OGDH: variants seen among roughly 807,000 people sequenced by gnomAD.
The protein encoded by OGDH is oxoglutarate dehydrogenase.
In OGDH, 38 loss-of-function variants were observed where a neutral mutation model predicts 116.6. The ratio of observed to expected loss-of-function variants is 0.33; its 90% CI spans 0.25 to 0.43. The LOEUF (loss-of-function observed/expected upper bound fraction) is 0.43, where lower values mean the gene tolerates loss of function less well. Ranked by LOEUF, OGDH falls within the 20% of genes least tolerant of loss-of-function variation. OGDH has a pLI of 1.00. For missense variants in OGDH, 825 were observed against 1,357.2 expected (o/e 0.61, Z 6.16); for synonymous variants, 488 against 533.3 (o/e 0.92, Z 1.17).
chr7:44,616,839 A>C, intron 1 of OGDH, among the ~76,000 whole-genome samples: 1 of 130,614 alleles, frequency 7.7e-6, no homozygotes, highest in Non-Finnish European at 1.6e-5. Flanking sequence ...ATATATACAC[A>C]TATACGTGTA....
chr7:44,655,686 G>A (rs987186851), intron 4 of OGDH, among the ~76,000 whole-genome samples: 4 of 152,226 alleles, frequency 2.6e-5, no homozygotes, highest in African/African-American at 9.6e-5. Flanking sequence ...TCAGAAAGCT[G>A]TTATGTATAG....
rs143042000 is a variant in OGDH at position 44,667,582 on chromosome 7, A to G, written c.633+731A>G. 5.3e-4 allele frequency among the ~76,000 whole-genome samples: 81 copies of G among 152,230 alleles called. No homozygotes were observed. In the East Asian group the frequency reaches 0.015, roughly 28 times the overall value. On this transcript the variant is annotated intron_variant, in intron 5 of 22. Transcript: ENST00000222673. Reference sequence around the variant, plus strand: ...ACTAAGCCTGCCAGGAAATTCTTTCATTCACACACATTATAGACAGTGGCT... The same window carrying G: ...ACTAAGCCTGCCAGGAAATTCTTTCGTTCACACACATTATAGACAGTGGCT...
rs557539498 is a variant in OGDH, at chr7:44,694,365, A to G, written c.1516-59A>G. ...GGAGAGATGGGGCAGGTGCCTGAAC[A>G]GCACTTCTTCCCAAGGGGCCAGCCC... On this transcript the variant is annotated intron_variant, in intron 11 of 22. Transcript: ENST00000222673. The surrounding 1 kb of genome is among the most constrained non-coding windows in gnomAD (Gnocchi z 4.2). The G allele has an allele frequency of 6.9e-6, 11 of 1,596,420 alleles. No individual in the cohort carries two copies. The African/African-American group carries it at 1.5e-4, about 21-fold the overall frequency.
At chr7:44,629,884 G>A (rs1475757793) in intron 2 of OGDH, among the ~76,000 whole-genome samples, 1 of 152,154 alleles carries the variant, frequency 6.6e-6, no homozygotes, top group Admixed American at 6.5e-5. Flanking sequence ...CCGGCCTGAT[G>A]CCTGTTTCTT....
chr7:44,641,409 A>G (rs970106341), intron 2 of OGDH, among the ~76,000 whole-genome samples: 43 of 151,376 alleles, frequency 2.8e-4, no homozygotes, highest in Non-Finnish European at 1.5e-4. Flanking sequence ...TATTTTTAGT[A>G]GAGACGGGGT....
chr7:44,626,335 CTACA>C (rs1785205391), intron 2 of OGDH, among the ~76,000 whole-genome samples: 5 of 109,766 alleles, frequency 4.6e-5, no homozygotes, highest in Admixed American at 1.9e-4. Context: ...ACACACACCC[CTACA>C]CACACACACA....
Position 44,624,364 on chromosome 7 carries a change from T to C in OGDH, c.21T>C (p.Cys7=). MFHLRT[C]AAKLRPLTAS... ...CAAAAATGTTTCATTTAAGGACTTG[T>C]GCTGCTAAGTTGAGGCCATTGACGG... The change falls in exon 2 of 23, where the codon TGT becomes TGC. Residue 7 remains cysteine (C), a synonymous_variant. Coordinates refer to ENST00000222673, the MANE Select transcript of OGDH (RefSeq NM_002541.4). 1 of 1,610,092 alleles carries C rather than the reference T, an allele frequency of 6.2e-7. No homozygotes were observed. The highest frequency in any genetic ancestry group is 1.1e-5 in the South Asian group (1 of 90,826).
At chr7:44,678,716 G>A (rs1342121691) in intron 9 of OGDH, among the ~76,000 whole-genome samples, 1 of 152,164 alleles carries the variant, frequency 6.6e-6, no homozygotes, top group Non-Finnish European at 1.5e-5. Context: ...CCCCAGCAGG[G>A]TCAGTGTGGG....
At chr7:44,611,289 C>T (rs542475467) in intron 1 of OGDH, among the ~76,000 whole-genome samples, 2 of 151,594 alleles carry the variant, frequency 1.3e-5, no homozygotes, top group Non-Finnish European at 2.9e-5. Flanking sequence ...GAGACGGAGT[C>T]TCGCTCTGTC....
chr7:44,670,364 G>A (rs1377213498), intron 5 of OGDH, among the ~76,000 whole-genome samples: 1 of 152,136 alleles, frequency 6.6e-6, no homozygotes, highest in Non-Finnish European at 1.5e-5. Context: ...CCCCTCACCA[G>A]TGGGTCATTT....
chr7:44,672,696 G>A (rs1401710129), intron 5 of OGDH, among the ~76,000 whole-genome samples: 1 of 147,108 alleles, frequency 6.8e-6, no homozygotes, highest in Non-Finnish European at 1.5e-5. Flanking sequence ...AGGCTGGAGT[G>A]CAGTGGCATG....
intron 10 of OGDH, among the ~76,000 whole-genome samples, chr7:44,684,492 A>G (rs191733907): frequency 5.3e-5 from 8 of 152,334 alleles, no homozygotes; most frequent in Non-Finnish European, 2.9e-5. Flanking sequence ...AATATAACAC[A>G]CAATATGGTA....
rs1024415191 is a variant in OGDH at position 44,610,415 on chromosome 7, C to T, written c.-28+3762C>T. ...GCCTCCCAGGTTCAAGCGATTCTTC[C>T]GCCTCAGCCTCCTGAGTAGCTGGGA... On this transcript the variant is annotated intron_variant, in intron 1 of 22. Coordinates refer to ENST00000222673, the MANE Select transcript of OGDH (RefSeq NM_002541.4). Among the ~76,000 whole-genome samples the T allele has an allele frequency of 4.0e-5, 6 of 151,016 alleles. No homozygotes were observed. In the South Asian group the frequency reaches 1.3e-3, roughly 32 times the overall value.
chr7:44,676,274 G>A (rs768947978), intron 9 of OGDH, 125 bp downstream of exon 9: 56 of 1,547,874 alleles, frequency 3.6e-5, no homozygotes, highest in South Asian at 9.4e-5. Flanking sequence ...ATTTAAAGTC[G>A]GCCGGGCGCA....
At position 44,673,723 on chromosome 7, in the gene OGDH, G is replaced by T. The variant is rs1031047884; in HGVS notation, c.634-64G>T. On this transcript the variant is annotated intron_variant, in intron 5 of 22. Coordinates refer to ENST00000222673, the MANE Select transcript of OGDH (RefSeq NM_002541.4). Reference sequence around the variant, plus strand: ...CTCCTTCTGGCTGAATGGGCAGTCGGCAGTCTTCATTCAGCCAGGCCTGGT... The same window carrying T: ...CTCCTTCTGGCTGAATGGGCAGTCGTCAGTCTTCATTCAGCCAGGCCTGGT... 20 of 1,526,636 alleles carry T rather than the reference G, an allele frequency of 1.3e-5. No homozygotes were observed. The Admixed American group carries it at 2.7e-4, about 20-fold the overall frequency. 94.6% of individuals were successfully genotyped at this position (1,526,636 alleles called of 1,614,324 possible). A position where few individuals can be genotyped will look rare whatever the true frequency, so the allele number is the denominator to read the frequency against.
At chr7:44,624,692 C>T (rs1017916229) in intron 2 of OGDH, 127 bp downstream of exon 2, 56 of 780,414 alleles carry the variant, frequency 7.2e-5, no homozygotes, top group African/African-American at 4.6e-4. Context: ...GCCATACCAA[C>T]CACCGTATCT....
chr7:44,624,296 T>C, intron 1 of OGDH, 21 bp from the exon 2 acceptor site: 1 of 1,139,824 alleles, frequency 8.8e-7, no homozygotes. Flanking sequence ...TTCTTGTTTT[T>C]TTTTTTTTTT....
At chr7:44,704,394 AT>A (rs1480995566) in intron 20 of OGDH, among the ~76,000 whole-genome samples, 1 of 150,196 alleles carries the variant, frequency 6.7e-6, no homozygotes, top group Non-Finnish European at 1.5e-5. Flanking sequence ...TTTTAATTTA[AT>A]TTTTTTTAAG....
intron 20 of OGDH, among the ~76,000 whole-genome samples, chr7:44,702,076 A>T (rs1466878791): frequency 5.3e-5 from 8 of 152,038 alleles, no homozygotes; most frequent in African/African-American, 1.9e-4. Flanking sequence ...CGGCACAAAA[A>T]AAAAAAAAAA....
Sources: gnomAD v4.1 joint callset for allele counts (sites outside exome capture counted in the v4.1 genomes callset) on GRCh38, gnomAD v4.1.1 for gene constraint, Gnocchi (gnomAD v3.1) non-coding constraint, MANE v1.5 for transcripts, NCBI Gene and HGNC (gene_info 2026-07-23, HGNC 2026-07-21) for gene names.